The following MMUT variants were observed in gnomAD, a reference collection of about 807,000 sequenced individuals.
MMUT encodes methylmalonyl-CoA mutase, also known as methylmalonyl-CoA mutase, mitochondrial.
A neutral mutation model predicts 79.9 loss-of-function variants in MMUT; 79 were observed. The ratio of observed to expected loss-of-function variants is 0.99; its 90% CI spans 0.82 to 1.19. MMUT has a LOEUF of 1.19. Ranked by LOEUF, MMUT falls within the 50% of genes most tolerant of loss-of-function variation. The probability of loss-of-function intolerance (pLI) is 0.00; values close to 1 mark genes in which losing one functional copy is unlikely to be tolerated. For synonymous variants in MMUT, 273 were observed against 295.7 expected, an observed-to-expected ratio of 0.92 and a Z score of 0.79; for missense variants, 860 against 917.2, an observed-to-expected ratio of 0.94 and a Z score of 0.81.
chr6:49,447,457 T>A (rs537527586), intron 8 of MMUT, among the ~76,000 whole-genome samples: 56 of 151,922 alleles, frequency 3.7e-4, no homozygotes, highest in African/African-American at 1.3e-3. Flanking sequence ...GTTTTTGGTG[T>A]CAACAGACTA....
intron 5 of MMUT, 109 bp from the exon 6 acceptor site, chr6:49,451,823 T>C: frequency 8.3e-7 from 1 of 1,206,726 alleles, no homozygotes; most frequent in Non-Finnish European, 1.2e-6. Flanking sequence ...CTATGTCAAT[T>C]TCCATATTAA....
At chr6:49,445,282 A>G (rs527713831) in intron 8 of MMUT, among the ~76,000 whole-genome samples, 2 of 152,258 alleles carry the variant, frequency 1.3e-5, no homozygotes, top group African/African-American at 4.8e-5. Flanking sequence ...AAGATATACA[A>G]TGAAAAGCAC....
intron 11 of MMUT, among the ~76,000 whole-genome samples, chr6:49,436,033 A>G (rs777274189): frequency 4.0e-5 from 6 of 151,884 alleles, no homozygotes; most frequent in Non-Finnish European, 8.8e-5. Flanking sequence ...AAAGCTCCAA[A>G]TCACTGATTG....
At position 49,442,005 on chromosome 6, in the gene MMUT, T is replaced by C. The variant is rs755869915; in HGVS notation, c.1677-34A>G. ...TGAAATGGTGGTTCCATTAACTTCA[T>C]TATTTTGTGATAAAGATATCTGTTT... On this transcript the variant is annotated intron_variant, in intron 9 of 12. Transcript: ENST00000274813. 8.2e-5 allele frequency: 130 copies of C among 1,583,620 alleles called. 1 individual carries two copies. Among genetic ancestry groups the C allele is most frequent in the Middle Eastern group, 1.7e-4 (1 of 6,006 alleles).
At position 49,448,826 on chromosome 6, in the gene MMUT, T is replaced by C; in HGVS notation, c.1434A>G (p.Arg478=). The change falls in exon 7 of 13, where the codon AGA becomes AGG. Residue 478 remains arginine, a synonymous_variant. Transcript: ENST00000274813. ...IEECAARRQA[R]IDSGSEVIVG... is the part of the protein sequence containing the mutation. Reference sequence around the variant, plus strand: ...TTCTCACTATCTTACCAGAATCTATTCTAGCTTGTCTTCGGGCAGCACATT... The same window carrying C: ...TTCTCACTATCTTACCAGAATCTATCCTAGCTTGTCTTCGGGCAGCACATT... 5 of 1,612,034 alleles carry C rather than the reference T, an allele frequency of 3.1e-6. No individual in the cohort carries two copies. The highest frequency in any genetic ancestry group is 4.2e-6 in the Non-Finnish European group (5 of 1,178,222).
intron 9 of MMUT, among the ~76,000 whole-genome samples, chr6:49,442,629 T>A (rs1388350878): frequency 6.6e-6 from 1 of 152,044 alleles, no homozygotes; most frequent in Admixed American, 6.6e-5. Flanking sequence ...TTTAAAGTTA[T>A]TGAAGATGTG....
chr6:49,434,159 C>T (rs138527215), intron 12 of MMUT, among the ~76,000 whole-genome samples: 89 of 152,096 alleles, frequency 5.9e-4, no homozygotes, highest in Middle Eastern at 3.4e-3. Context: ...AAAACTGCAA[C>T]GCTGATAGAA....
chr6:49,459,186 C>T lies in MMUT; in HGVS notation c.281G>A (p.Gly94Glu). The T allele has an allele frequency of 6.2e-7, 1 of 1,614,154 alleles. No homozygotes were observed. Among genetic ancestry groups the T allele is most frequent in the Non-Finnish European group, 8.5e-7 (1 of 1,180,030 alleles). ...ELPGVKPFTR[G>E]PYPTMYTFRP... ...AAAGGTATACATGGTAGGATATGGTCCACGTGTGAATGGCTTCACTCCTGG... is the reference window on the plus strand; with the variant it reads ...AAAGGTATACATGGTAGGATATGGTTCACGTGTGAATGGCTTCACTCCTGG... The change falls in exon 2 of 13, where the codon GGA becomes GAA. Residue 94 changes from glycine to glutamate, a missense_variant. Transcript: ENST00000274813.
chr6:49,442,651 T>C (rs1767306628), intron 9 of MMUT, among the ~76,000 whole-genome samples: 1 of 151,980 alleles, frequency 6.6e-6, no homozygotes, highest in African/African-American at 2.4e-5. Flanking sequence ...AGATATGACT[T>C]TTGAACTAAG....
intron 12 of MMUT, 132 bp from the exon 13 acceptor site, chr6:49,431,988 TA>T (rs1766992201): frequency 1.0e-6 from 1 of 995,874 alleles, no homozygotes; most frequent in Non-Finnish European, 1.5e-6. Context: ...CATTTGGGGC[TA>T]AAAAATTCTT....
intron 2 of MMUT, 75 bp from the exon 3 acceptor site, chr6:49,458,133 C>T: frequency 1.4e-6 from 2 of 1,442,324 alleles, no homozygotes; most frequent in South Asian, 2.4e-5. Flanking sequence ...TTTAACACTA[C>T]TAAAAATGTT....
intron 11 of MMUT, among the ~76,000 whole-genome samples, chr6:49,436,388 T>C (rs1013085187): frequency 6.6e-6 from 1 of 151,894 alleles, no homozygotes; most frequent in African/African-American, 2.4e-5. Context: ...GGTGGATCAC[T>C]TGAGGTCATG....
chr6:49,433,049 T>C (rs1331094474), intron 12 of MMUT, among the ~76,000 whole-genome samples: 2 of 152,198 alleles, frequency 1.3e-5, no homozygotes, highest in Non-Finnish European at 2.9e-5. Context: ...ATTGAACTTG[T>C]CTCCTTCTAG....
chr6:49,431,935 G>T, intron 12 of MMUT, 79 bp from the exon 13 acceptor site: 1 of 1,516,050 alleles, frequency 6.6e-7, no homozygotes, highest in Non-Finnish European at 9.1e-7. Flanking sequence ...TTTCTTCTTT[G>T]TCACTCAATT....
chr6:49,446,872 T>TA lies in MMUT; in HGVS notation c.1560+797dup, dbSNP rs1050958955. Among the ~76,000 whole-genome samples the TA allele has an allele frequency of 1.4e-4, 21 of 149,370 alleles. No homozygotes were observed. In the East Asian group the frequency reaches 3.7e-3, roughly 26 times the overall value. On this transcript the variant is annotated intron_variant, in intron 8 of 12. Coordinates refer to ENST00000274813, the MANE Select transcript of MMUT (RefSeq NM_000255.4). ...ACTATTAGATTTTTATAGATTGAAC[T>TA]AAAAAAAAAGCCATACATTAAACAA...
intron 7 of MMUT, among the ~76,000 whole-genome samples, chr6:49,448,045 A>C (rs190698569): frequency 1.2e-4 from 18 of 152,140 alleles, no homozygotes; most frequent in African/African-American, 4.1e-4. Flanking sequence ...GGTTTCTAAT[A>C]AATCTTTTAA....
chr6:49,457,698 G>A lies in MMUT; in HGVS notation c.746C>T (p.Thr249Ile), dbSNP rs764294717. The A allele has an allele frequency of 6.2e-6, 10 of 1,610,056 alleles. No individual in the cohort carries two copies. Among genetic ancestry groups the A allele is most frequent in the Admixed American group, 1.7e-5 (1 of 59,778 alleles). Residue 249 changes from threonine to isoleucine, a missense_variant, in exon 3 of 13, where the codon ACA (threonine) becomes ATA (isoleucine). Thr to Ile is a moderately conservative substitution (Grantham distance 89). Transcript: ENST00000274813. Reference protein sequence around the residue: ...MKIIADIFEYTAKHMPKFNSI... With the variant: ...MKIIADIFEYIAKHMPKFNSI... ...AATAACCACAAAGTATACCTTTGCTGTATATTCAAATATGTCAGCAATAAT... is the reference window on the plus strand; with the variant it reads ...AATAACCACAAAGTATACCTTTGCTATATATTCAAATATGTCAGCAATAAT...
intron 4 of MMUT, among the ~76,000 whole-genome samples, chr6:49,455,250 T>C (rs1767657277): frequency 6.6e-6 from 1 of 152,188 alleles, no homozygotes; most frequent in African/African-American, 2.4e-5. Context: ...TGTTGCAGTA[T>C]CACATATCGT....
At chr6:49,447,162 C>G (rs1195161191) in intron 8 of MMUT, among the ~76,000 whole-genome samples, 1 of 151,774 alleles carries the variant, frequency 6.6e-6, no homozygotes, top group South Asian at 2.1e-4. Context: ...TAAACTGTAC[C>G]TTACTAAAGC....
Sources: gnomAD v4.1 joint callset for allele counts (sites outside exome capture counted in the v4.1 genomes callset) on GRCh38, gnomAD v4.1.1 for gene constraint, MANE v1.5 for transcripts, NCBI Gene and HGNC (gene_info 2026-07-23, HGNC 2026-07-21) for gene names.